Variants in OLFML2A observed in about 807,000 individuals in gnomAD.
OLFML2A encodes the protein olfactomedin like 2A.
Under a neutral mutation model 60.9 loss-of-function variants are expected in OLFML2A, and 47 were observed. The observed-to-expected ratio is 0.77, with a 90% confidence interval of 0.61 to 0.98. The LOEUF (loss-of-function observed/expected upper bound fraction) is 0.98. OLFML2A is among the 50% of genes least tolerant of loss of function. The probability of loss-of-function intolerance (pLI) is 0.00; values close to 1 mark genes in which losing one functional copy is unlikely to be tolerated. For missense variants in OLFML2A, 922 were observed against 879.8 expected, an observed-to-expected ratio of 1.05 and a Z score of -0.61; for synonymous variants, 372 against 375.0, an observed-to-expected ratio of 0.99 and a Z score of 0.09.
At position 124,810,199 on chromosome 9, in the gene OLFML2A, C is replaced by A; in HGVS notation, c.1746C>A (p.Cys582Ter). Residue 582 changes from cysteine to a stop codon, truncating the protein, a stop_gained, in exon 8 of 8, where the codon TGC becomes TGA. Coordinates refer to ENST00000373580, the MANE Select transcript of OLFML2A (RefSeq NM_182487.4). LOFTEE classifies it high-confidence loss of function. ...RNSYGNCFLVCGILYAVDTYN... is the reference protein window; with the variant it reads ...RNSYGNCFLV ...CCTACGGGAACTGCTTCCTGGTGTG[C>A]GGCATCCTGTATGCCGTGGACACGT... 1 of 1,613,732 alleles carries A rather than the reference C, an allele frequency of 6.2e-7. No homozygotes were observed. Among genetic ancestry groups the A allele is most frequent in the Non-Finnish European group, 8.5e-7 (1 of 1,180,000 alleles).
In OLFML2A at chr9:124,777,930, T is replaced by G. The variant is rs1322452082; in HGVS notation, c.90+570T>G. Among the ~76,000 whole-genome samples, 1 of 152,150 alleles carries G rather than the reference T, an allele frequency of 6.6e-6. No homozygotes were observed. The highest frequency in any genetic ancestry group is 2.4e-5 in the African/African-American group (1 of 41,418). ...GCTCTGGTGTCAAGCCGACCTGGGT[T>G]CAGTCGCACATCCGCTTCTCATCCG... On this transcript the variant is annotated intron_variant, in intron 1 of 7. Transcript: ENST00000373580. This position sits in a 1 kb window ranked among gnomAD's most constrained non-coding sequence, Gnocchi z 6.2.
At chr9:124,809,495 A>C (rs1379117934) in intron 7 of OLFML2A, among the ~76,000 whole-genome samples, 1 of 152,062 alleles carries the variant, frequency 6.6e-6, no homozygotes. Flanking sequence ...CTAACAGAGG[A>C]ACAGCAGGGA....
At position 124,799,401 on chromosome 9, in the gene OLFML2A, G is replaced by T. The variant is rs1257864419; in HGVS notation, c.579G>T (p.Lys193Asn). 2 of 1,613,920 alleles carry T rather than the reference G, an allele frequency of 1.2e-6. No homozygotes were observed. The highest frequency in any genetic ancestry group is 1.7e-6 in the Non-Finnish European group (2 of 1,180,006). Reference sequence around the variant, plus strand: ...CTGCCATCATGCTGGGCATCAAGAAGGAGCTGTCCCGCCTGGGCCTCCAGC... The same window carrying T: ...CTGCCATCATGCTGGGCATCAAGAATGAGCTGTCCCGCCTGGGCCTCCAGC... ...NHSAIMLGIKKELSRLGLQLL... is the reference protein window; with the variant it reads ...NHSAIMLGIKNELSRLGLQLL... Residue 193 changes from lysine to asparagine, a missense_variant, in exon 4 of 8, where the codon AAG (lysine) becomes AAT (asparagine). Lys to Asn is a moderately conservative substitution (Grantham distance 94). Transcript: ENST00000373580.
intron 2 of OLFML2A, among the ~76,000 whole-genome samples, 155 bp from the exon 3 acceptor site, chr9:124,794,869 G>A (rs1428469422): frequency 4.0e-5 from 6 of 151,848 alleles, no homozygotes; most frequent in Non-Finnish European, 5.9e-5. Context: ...TGATCCACCC[G>A]CCTGGGCCTC....
At chr9:124,788,910 G>A (rs954105817) in intron 2 of OLFML2A, among the ~76,000 whole-genome samples, 1 of 152,170 alleles carries the variant, frequency 6.6e-6, no homozygotes, top group African/African-American at 2.4e-5. Flanking sequence ...TAAAGGACCA[G>A]ATTGTTTGGT....
At chr9:124,797,018 T>G (rs1841681638) in intron 3 of OLFML2A, among the ~76,000 whole-genome samples, 1 of 152,188 alleles carries the variant, frequency 6.6e-6, no homozygotes, top group African/African-American at 2.4e-5. Flanking sequence ...TTGTTTGTTT[T>G]TTTGAGACAG....
At position 124,801,391 on chromosome 9, in the gene OLFML2A, CTG is replaced by C. The variant is rs766913123; in HGVS notation, c.670-22_670-21del. 5.0e-6 allele frequency: 8 copies of C among 1,612,524 alleles called. No individual in the cohort carries two copies. In the East Asian group the frequency reaches 1.6e-4, roughly 31 times the overall value. The stretch of plus-strand genomic sequence containing the variant: ...ACATTTCTTCTACTGTCCTTCAAGT[CTG>C]AGACTTCTCTTCCCTCCCAGGACAC... On this transcript the variant is annotated intron_variant, in intron 4 of 7. Coordinates refer to ENST00000373580, the MANE Select transcript of OLFML2A (RefSeq NM_182487.4).
chr9:124,810,506 G>T lies in OLFML2A; in HGVS notation c.*94G>T. 1 of 1,310,720 alleles carries T rather than the reference G, an allele frequency of 7.6e-7. No individual in the cohort carries two copies. Among genetic ancestry groups the T allele is most frequent in the South Asian group, 1.5e-5 (1 of 67,760 alleles). 81.2% of individuals were successfully genotyped at this position (1,310,720 alleles called of 1,614,324 possible). On this transcript the variant is annotated 3_prime_UTR_variant, in exon 8 of 8. Coordinates refer to ENST00000373580, the MANE Select transcript of OLFML2A (RefSeq NM_182487.4). ...TGACCCAGTCCGCAAATATTTATTG[G>T]GGGCCAGCCCAGGGCTGGGACTGGG...
chr9:124,801,786 G>A (rs1841784368), intron 5 of OLFML2A, 123 bp downstream of exon 5: 2 of 1,104,580 alleles, frequency 1.8e-6, no homozygotes, highest in Non-Finnish European at 2.6e-6. Flanking sequence ...CCTGTTGGGT[G>A]CCCTCTGCTC....
chr9:124,778,280 G>GA, intron 1 of OLFML2A, among the ~76,000 whole-genome samples: 1 of 151,738 alleles, frequency 6.6e-6, no homozygotes, highest in East Asian at 1.9e-4. Context: ...AGAATGGCGT[G>GA]AACCCGGGAG....
At chr9:124,791,201 G>A (rs924466257) in intron 2 of OLFML2A, among the ~76,000 whole-genome samples, 44 of 152,166 alleles carry the variant, frequency 2.9e-4, no homozygotes, top group African/African-American at 1.1e-3. Context: ...ATAGAGCTGG[G>A]CCTTGAAGGA....
intron 3 of OLFML2A, among the ~76,000 whole-genome samples, chr9:124,798,176 A>G (rs1765621581): frequency 6.6e-6 from 1 of 152,248 alleles, no homozygotes; most frequent in African/African-American, 2.4e-5. Flanking sequence ...AAGTAATTTT[A>G]AAGTAGCAAA....
At chr9:124,786,749 G>GACACACAC (rs3138850) in intron 1 of OLFML2A, among the ~76,000 whole-genome samples, 27 of 129,814 alleles carry the variant, frequency 2.1e-4, no homozygotes, top group South Asian at 8.0e-4. Flanking sequence ...CAGAGACGTA[G>GACACACAC]ACACACACAC....
chr9:124,786,159 A>C (rs1211152754), intron 1 of OLFML2A, among the ~76,000 whole-genome samples: 1 of 152,196 alleles, frequency 6.6e-6, no homozygotes, highest in Non-Finnish European at 1.5e-5. Context: ...ACTGTGGCTC[A>C]TGCCTGTAAT....
rs573489856 is a variant in OLFML2A at position 124,784,653 on chromosome 9, T to G, written c.91-2322T>G. ...TCAGTGGCATTTGGTACATTCACAATATTGTGCAAGCATCACCACTATCTA... is the reference window on the plus strand; with the variant it reads ...TCAGTGGCATTTGGTACATTCACAAGATTGTGCAAGCATCACCACTATCTA... On this transcript the variant is annotated intron_variant, in intron 1 of 7. Coordinates refer to ENST00000373580, the MANE Select transcript of OLFML2A (RefSeq NM_182487.4). Among the ~76,000 whole-genome samples the G allele has an allele frequency of 2.6e-5, 4 of 152,336 alleles. No individual in the cohort carries two copies. The South Asian group carries it at 8.3e-4, about 32-fold the overall frequency.
At chr9:124,780,865 A>T (rs1454164598) in intron 1 of OLFML2A, among the ~76,000 whole-genome samples, 6 of 152,322 alleles carry the variant, frequency 3.9e-5, no homozygotes, top group Non-Finnish European at 7.3e-5. Flanking sequence ...AAAGAGTCTG[A>T]TTGAGGTTGT....
rs1204820959 is a variant in OLFML2A, at chr9:124,812,051, C to T, written c.*1639C>T. ...CTCACCTGCCCCCTGGCCCTTGCTGCCTTCATTCTGTCCCAATGCCAGCTC... is the reference window on the plus strand; with the variant it reads ...CTCACCTGCCCCCTGGCCCTTGCTGTCTTCATTCTGTCCCAATGCCAGCTC... On this transcript the variant is annotated 3_prime_UTR_variant, in exon 8 of 8. Transcript: ENST00000373580. 6.6e-6 allele frequency: 1 copy of T among 152,402 alleles called. No homozygotes were observed. Among genetic ancestry groups the T allele is most frequent in the Non-Finnish European group, 1.5e-5 (1 of 68,258 alleles). 9.4% of individuals were successfully genotyped at this position (152,402 alleles called of 1,614,324 possible). A position where few individuals can be genotyped will look rare whatever the true frequency, so the allele number is the denominator to read the frequency against.
chr9:124,777,802 G>T lies in OLFML2A; in HGVS notation c.90+442G>T, dbSNP rs994311071. Among the ~76,000 whole-genome samples the T allele has an allele frequency of 6.6e-6, 1 of 152,122 alleles. No homozygotes were observed. The highest frequency in any genetic ancestry group is 2.4e-5 in the African/African-American group (1 of 41,422). Reference sequence around the variant, plus strand: ...ATGAACGCAGCCGCGCTGGCCACTCGCCTGGCCTCTGATGTTCTTGCCAGG... The same window carrying T: ...ATGAACGCAGCCGCGCTGGCCACTCTCCTGGCCTCTGATGTTCTTGCCAGG... On this transcript the variant is annotated intron_variant, in intron 1 of 7. Coordinates refer to ENST00000373580, the MANE Select transcript of OLFML2A (RefSeq NM_182487.4). This position sits in a 1 kb window ranked among gnomAD's most constrained non-coding sequence, Gnocchi z 6.2.
intron 2 of OLFML2A, 104 bp from the exon 3 acceptor site, chr9:124,794,920 C>T: frequency 1.5e-6 from 1 of 674,966 alleles, no homozygotes; most frequent in Admixed American, 2.4e-5. Context: ...CAGCGCCTGG[C>T]CCAGGTTCTG....
Sources: gnomAD v4.1 joint callset for allele counts (sites outside exome capture counted in the v4.1 genomes callset) on GRCh38, gnomAD v4.1.1 for gene constraint, Gnocchi (gnomAD v3.1) non-coding constraint, MANE v1.5 for transcripts, NCBI Gene and HGNC (gene_info 2026-07-23, HGNC 2026-07-21) for gene names.